The following DNAH5 variants were observed in gnomAD, a reference collection of about 807,000 sequenced individuals.
DNAH5 encodes axonemal beta dynein heavy chain 5.
A neutral mutation model predicts 518.2 loss-of-function variants in DNAH5; 372 were observed. The ratio of observed to expected loss-of-function variants is 0.72; its 90% CI spans 0.66 to 0.78. The LOEUF is 0.78. Ranked by LOEUF, DNAH5 falls within the 30% of genes least tolerant of loss-of-function variation. DNAH5 has a pLI of 0.00. For missense variants in DNAH5, 5,523 were observed against 5,687.0 expected (o/e 0.97, Z 0.93); for synonymous variants, 2,039 against 2,025.9 (o/e 1.01, Z -0.17).
In DNAH5 at chr5:13,753,488, A is replaced by G; in HGVS notation, c.10617T>C (p.Arg3539=). The G allele has an allele frequency of 1.2e-6, 2 of 1,613,830 alleles. No homozygotes were observed. The highest frequency in any genetic ancestry group is 1.7e-6 in the Non-Finnish European group (2 of 1,179,718). The change falls in exon 63 of 79, where the codon CGT becomes CGC. Residue 3539 remains arginine (R), a synonymous_variant. Coordinates refer to ENST00000265104, the MANE Select transcript of DNAH5 (RefSeq NM_001369.3). ...TCCGCCAGTCATTTAACAGAAGATC[A>G]CGAAACTCTTGGTTAAATGGACCAG... ...SYSGPFNQEF[R]DLLLNDWRKE... is the part of the protein sequence containing the mutation.
chr5:13,723,521 T>C (rs1745324916), intron 70 of DNAH5, among the ~76,000 whole-genome samples: 1 of 152,212 alleles, frequency 6.6e-6, no homozygotes, highest in Admixed American at 6.5e-5. Context: ...ATCCAAGCCA[T>C]GAGCTAACAT....
chr5:13,845,039 G>T, intron 31 of DNAH5, 46 bp from the exon 32 acceptor site: 8 of 1,585,476 alleles, frequency 5.0e-6, no homozygotes, highest in Non-Finnish European at 6.9e-6. Flanking sequence ...ACACAAAGCT[G>T]GTCGTTCAAG....
chr5:13,791,335 C>A (rs1056009408), intron 50 of DNAH5, among the ~76,000 whole-genome samples: 1 of 152,144 alleles, frequency 6.6e-6, no homozygotes, highest in Admixed American at 6.5e-5. Flanking sequence ...ACATAGGCTA[C>A]GCTTTGGAAC....
At chr5:13,865,257 T>C (rs1447036202) in intron 27 of DNAH5, among the ~76,000 whole-genome samples, 1 of 152,152 alleles carries the variant, frequency 6.6e-6, no homozygotes, top group East Asian at 1.9e-4. Flanking sequence ...CCTCCCAAAG[T>C]GCTGGGATTA....
In DNAH5 at chr5:13,817,669, C is replaced by A. The variant is rs1349926561; in HGVS notation, c.6867G>T (p.Met2289Ile). Residue 2289 changes from methionine (M) to isoleucine (I), a missense_variant, in exon 42 of 79, where the codon ATG becomes ATT. Physicochemically the swap from Met to Ile is conservative, Grantham distance 10. Transcript: ENST00000265104. ...CAGTAATCGCTTTGGGATTCATCCT[C>A]ATTTCCCGATGTGGTTTTCCACAAT... Reference protein sequence around the residue: ...MTDCGKPHREMRMNPKAITAP... With the variant: ...MTDCGKPHREIRMNPKAITAP... 2.5e-6 allele frequency: 4 copies of A among 1,614,190 alleles called. No homozygotes were observed. The highest frequency in any genetic ancestry group is 8.5e-7 in the Non-Finnish European group (1 of 1,180,034).
chr5:13,824,082 T>A (rs1047138409), intron 39 of DNAH5, 117 bp downstream of exon 39: 1 of 1,095,044 alleles, frequency 9.1e-7, no homozygotes. Flanking sequence ...CAGCACTTTA[T>A]CTGACAATTA....
chr5:13,750,370 A>T (rs1750042576), intron 65 of DNAH5, among the ~76,000 whole-genome samples: 1 of 152,116 alleles, frequency 6.6e-6, no homozygotes. Flanking sequence ...AGCCTCACAT[A>T]CTCCCTAAAG....
rs6898474 is a variant in DNAH5, at chr5:13,861,682, C to G, written c.4796+866G>C. On this transcript the variant is annotated intron_variant, in intron 29 of 78. Coordinates refer to ENST00000265104, the MANE Select transcript of DNAH5 (RefSeq NM_001369.3). ...TAATGAAAGTTCACATGTGGACAGG[C>G]ACAGTGGCTCATGCCTGTAATGCCA... is the stretch of plus-strand genomic sequence containing the variant. 1.1e-3 allele frequency among the ~76,000 whole-genome samples: 162 copies of G among 151,762 alleles called. 3 individuals are homozygous for G. The East Asian group carries it at 0.03, about 28-fold the overall frequency.
intron 1 of DNAH5, among the ~76,000 whole-genome samples, chr5:13,978,853 G>A (rs528621605): frequency 2.6e-5 from 4 of 152,238 alleles, no homozygotes; most frequent in African/African-American, 9.6e-5. Flanking sequence ...GAATATGACT[G>A]TGTATGTGAA....
Position 13,844,909 on chromosome 5 carries a change from C to T in DNAH5, c.5199G>A (p.Ser1733=), listed in dbSNP as rs142806046. The T allele has an allele frequency of 5.6e-6, 9 of 1,614,078 alleles. No individual in the cohort carries two copies. The African/African-American group carries it at 8.0e-5, about 14-fold the overall frequency. The stretch of plus-strand genomic sequence containing the variant: ...AATGGGCCTGTATAGTGTGGGAGTC[C>T]GACGCCTGCCCCAGAATCTCTAGAA... ...PALLEILGQA[S]DSHTIQAHLL... Residue 1733 remains serine (S), a synonymous_variant, in exon 32 of 79, where the codon TCG becomes TCA. Coordinates refer to ENST00000265104, the MANE Select transcript of DNAH5 (RefSeq NM_001369.3).
intron 75 of DNAH5, among the ~76,000 whole-genome samples, chr5:13,713,467 A>G (rs1743885059): frequency 1.0e-5 from 1 of 99,616 alleles, no homozygotes; most frequent in African/African-American, 5.2e-5. Context: ...ATATATATAT[A>G]CACACACCGA....
intron 12 of DNAH5, 48 bp downstream of exon 12, chr5:13,911,337 GA>G (rs1250786026): frequency 1.4e-6 from 2 of 1,467,196 alleles, no homozygotes; most frequent in Non-Finnish European, 1.9e-6. Flanking sequence ...ATACAGAAAG[GA>G]AAAAATAAAC....
At position 13,718,993 on chromosome 5, in the gene DNAH5, T is replaced by C; in HGVS notation, c.12388A>G (p.Met4130Val). Residue 4130 changes from methionine (M) to valine (V), a missense_variant, in exon 72 of 79, where the codon ATG becomes GTG. Met to Val is a conservative substitution (Grantham distance 21, BLOSUM62 1). Coordinates refer to ENST00000265104, the MANE Select transcript of DNAH5 (RefSeq NM_001369.3). ...ELVHDAFRLW[M>V]TTEAHKQFPI... ...AACTGCTTATGAGCCTCGGTGGTCA[T>C]CCAGAGGCGGAACGCATCATGTACA... 1.2e-6 allele frequency: 2 copies of C among 1,613,918 alleles called. No homozygotes were observed. The highest frequency in any genetic ancestry group is 1.7e-6 in the Non-Finnish European group (2 of 1,179,894).
intron 55 of DNAH5, among the ~76,000 whole-genome samples, chr5:13,774,493 G>A (rs59741198): frequency 0.023 from 3,528 of 152,192 alleles, 124 homozygotes; most frequent in African/African-American, 0.08. Flanking sequence ...TTGATGGCAC[G>A]TATTATAAAG....
At chr5:13,802,716 A>G (rs1029428532) in intron 47 of DNAH5, among the ~76,000 whole-genome samples, 1 of 152,180 alleles carries the variant, frequency 6.6e-6, no homozygotes, top group Non-Finnish European at 1.5e-5. Flanking sequence ...CATTCACGCA[A>G]TCATCTTTGT....
chr5:13,803,334 T>C (rs1017542907), intron 47 of DNAH5, among the ~76,000 whole-genome samples: 1 of 152,178 alleles, frequency 6.6e-6, no homozygotes, highest in Admixed American at 6.5e-5. Flanking sequence ...AAATGCTCAA[T>C]AGTACATTGT....
intron 44 of DNAH5, chr5:13,810,517 G>C (rs1262122020): frequency 2.2e-6 from 1 of 453,668 alleles, no homozygotes; most frequent in African/African-American, 2.1e-5. Context: ...GAGGCGGGCG[G>C]ATCATGAGGT....
At chr5:13,741,568 T>G (rs1014349065) in intron 65 of DNAH5, among the ~76,000 whole-genome samples, 6 of 152,186 alleles carry the variant, frequency 3.9e-5, no homozygotes, top group Admixed American at 2.0e-4. Flanking sequence ...ATGGCTGCTA[T>G]AAAATTAATT....
rs141993196 is a variant in DNAH5 at position 13,717,461 on chromosome 5, C to G, written c.12559G>C (p.Ala4187Pro). Residue 4187 changes from alanine to proline, a missense_variant, in exon 73 of 79, where the codon GCA (alanine) becomes CCA (proline). By Grantham distance (27) the Ala-to-Pro change is conservative. Around this residue, in one of 3 missense-constraint regions of DNAH5, gnomAD observed 5,121 missense variants for 5,223.3 expected, o/e 0.98. Coordinates refer to ENST00000265104, the MANE Select transcript of DNAH5 (RefSeq NM_001369.3). ...SGSQWKPMLYAVAFLHSTVQE... is the reference protein window; with the variant it reads ...SGSQWKPMLYPVAFLHSTVQE... ...ACAGTGGAGTGCAGGAAAGCCACTG[C>G]GTACAGCATGGGCTTCCACTGGGAC... 6.2e-7 allele frequency: 1 copy of G among 1,614,040 alleles called. No homozygotes were observed. Among genetic ancestry groups the G allele is most frequent in the African/African-American group, 1.3e-5 (1 of 74,942 alleles).
Sources: gnomAD v4.1 joint callset for allele counts (sites outside exome capture counted in the v4.1 genomes callset) on GRCh38, gnomAD v4.1.1 for gene constraint, gnomAD v4.1.1 regional missense constraint, MANE v1.5 for transcripts, NCBI Gene and HGNC (gene_info 2026-07-23, HGNC 2026-07-21) for gene names.